Variants in ZZEF1 observed in about 807,000 individuals in gnomAD.
ZZEF1 encodes the protein zinc finger ZZ-type and EF-hand domain-containing protein 1.
A neutral mutation model predicts 342.8 loss-of-function variants in ZZEF1; 157 were observed. The ratio of observed to expected loss-of-function variants is 0.46; its 90% CI spans 0.40 to 0.52. The LOEUF (loss-of-function observed/expected upper bound fraction) is 0.52, where lower values mean the gene tolerates loss of function less well. Ranked by LOEUF, ZZEF1 falls within the 20% of genes least tolerant of loss-of-function variation. ZZEF1 has a pLI of 0.00. For synonymous variants in ZZEF1, 1,505 were observed against 1,429.1 expected (o/e 1.05, Z -1.20); for missense variants, 3,480 against 3,725.6 (o/e 0.93, Z 1.72).
intron 46 of ZZEF1, among the ~76,000 whole-genome samples, chr17:4,019,097 T>C (rs1431541088): frequency 1.3e-5 from 2 of 151,778 alleles, no homozygotes; most frequent in Admixed American, 6.6e-5. Flanking sequence ...CTTCACCTCA[T>C]AAAGGCTTTT....
In ZZEF1 at chr17:4,076,766, G is replaced by C. The variant is rs771730964; in HGVS notation, c.3112-7C>G. 5 of 1,603,940 alleles carry C rather than the reference G, an allele frequency of 3.1e-6. No individual in the cohort carries two copies. Among genetic ancestry groups the C allele is most frequent in the Non-Finnish European group, 4.3e-6 (5 of 1,174,992 alleles). Reference sequence around the variant, plus strand: ...AGTCCAGCAGGAAGATAACCTAATGGAAGATGGATGAAGCACTCAGCGTCC... The same window carrying C: ...AGTCCAGCAGGAAGATAACCTAATGCAAGATGGATGAAGCACTCAGCGTCC... On this transcript the variant is annotated splice_region_variant and splice_polypyrimidine_tract_variant and intron_variant, in intron 20 of 54. Transcript: ENST00000381638.
chr17:4,077,620 A>C (rs1210706455), intron 19 of ZZEF1, among the ~76,000 whole-genome samples: 1 of 152,234 alleles, frequency 6.6e-6, no homozygotes, highest in African/African-American at 2.4e-5. Context: ...GTGCTATATG[A>C]TTGCAAAAGC....
intron 5 of ZZEF1, among the ~76,000 whole-genome samples, chr17:4,111,467 G>A (rs2058297495): frequency 6.6e-6 from 1 of 151,970 alleles, no homozygotes; most frequent in Non-Finnish European, 1.5e-5. Flanking sequence ...AGACCAGTCT[G>A]TCCAACATAG....
chr17:4,109,709 C>T lies in ZZEF1; in HGVS notation c.1221G>A (p.Val407=). The change falls in exon 6 of 55, where the codon GTG becomes GTA. Residue 407 remains valine, a synonymous_variant. Coordinates refer to ENST00000381638, the MANE Select transcript of ZZEF1 (RefSeq NM_015113.4). ...CGGGATTTGTCTCCATAGAAGCCGT[C>T]ACCAGAGATGTCAGCAGAGACCAAT... The part of the protein sequence containing the change: ...IWYWSLLTSL[V]TASMETNPAF... The T allele has an allele frequency of 6.2e-7, 1 of 1,614,152 alleles. No homozygotes were observed. Among genetic ancestry groups the T allele is most frequent in the Non-Finnish European group, 8.5e-7 (1 of 1,180,024 alleles).
At position 4,077,966 on chromosome 17, in the gene ZZEF1, C is replaced by T. The variant is rs2057654391; in HGVS notation, c.2906G>A (p.Gly969Asp). The T allele has an allele frequency of 6.2e-7, 1 of 1,614,018 alleles. No individual in the cohort carries two copies. Among genetic ancestry groups the T allele is most frequent in the Admixed American group, 1.7e-5 (1 of 60,000 alleles). The change falls in exon 19 of 55, where the codon GGC becomes GAC. Residue 969 changes from glycine to aspartate, a missense_variant. Gly to Asp is a moderately conservative substitution (Grantham distance 94, BLOSUM62 -1). Coordinates refer to ENST00000381638, the MANE Select transcript of ZZEF1 (RefSeq NM_015113.4). The stretch of plus-strand genomic sequence containing the variant: ...CAGGTAGCACCAGGATAGCAGGCTG[C>T]CTTGGACGGACCAGAACAGGGAGAA... ...VLFSLFWSVQ[G>D]SLLSWCYLQL...
At chr17:4,027,254 G>A (rs2056428041) in intron 42 of ZZEF1, among the ~76,000 whole-genome samples, 1 of 144,748 alleles carries the variant, frequency 6.9e-6, no homozygotes, top group South Asian at 2.2e-4. Flanking sequence ...TGAGATTACA[G>A]GTATAAGACC....
intron 45 of ZZEF1, 40 bp from the exon 46 acceptor site, chr17:4,019,809 G>T: frequency 6.7e-7 from 1 of 1,489,996 alleles, no homozygotes. Flanking sequence ...ACCATTAACA[G>T]TGCTTCAATA....
At chr17:4,062,634 C>T in intron 30 of ZZEF1, 119 bp downstream of exon 30, 3 of 1,206,274 alleles carry the variant, frequency 2.5e-6, no homozygotes, top group South Asian at 3.5e-5. Context: ...ATGAATTAAC[C>T]AAAAACGTAC....
chr17:4,063,977 C>T (rs1364333709), intron 29 of ZZEF1, among the ~76,000 whole-genome samples: 1 of 152,078 alleles, frequency 6.6e-6, no homozygotes, highest in Non-Finnish European at 1.5e-5. Context: ...ATCCACCTGC[C>T]TCAGCCTCCC....
At chr17:4,058,561 G>A (rs200474445) in intron 31 of ZZEF1, among the ~76,000 whole-genome samples, 3 of 152,128 alleles carry the variant, frequency 2.0e-5, no homozygotes, top group Middle Eastern at 3.2e-3. Context: ...CTTTATACTC[G>A]TTTTCAAACT....
chr17:4,055,610 A>G (rs1003917374), intron 33 of ZZEF1, among the ~76,000 whole-genome samples: 2 of 152,212 alleles, frequency 1.3e-5, no homozygotes, highest in African/African-American at 2.4e-5. Flanking sequence ...CTCCAAGGAC[A>G]CTAGAGCCCA....
chr17:4,014,712 C>A lies in ZZEF1; in HGVS notation c.8146-197G>T, dbSNP rs905147503. Among the ~76,000 whole-genome samples the A allele has an allele frequency of 4.6e-5, 7 of 152,100 alleles. No homozygotes were observed. Among genetic ancestry groups the A allele is most frequent in the Non-Finnish European group, 5.9e-5 (4 of 68,028 alleles). On this transcript the variant is annotated intron_variant, in intron 49 of 54. Coordinates refer to ENST00000381638, the MANE Select transcript of ZZEF1 (RefSeq NM_015113.4). The surrounding 1 kb of genome is among the most constrained non-coding windows in gnomAD (Gnocchi z 4.4). ...CAAATATGGTGCGAGGGAGGCACAGCGGGGCAGGCAACACGGGGCCCCAGA... is the reference window on the plus strand; with the variant it reads ...CAAATATGGTGCGAGGGAGGCACAGAGGGGCAGGCAACACGGGGCCCCAGA...
intron 9 of ZZEF1, among the ~76,000 whole-genome samples, chr17:4,098,241 C>CAA (rs61342066): frequency 2.9e-5 from 3 of 103,338 alleles, no homozygotes; most frequent in East Asian, 2.8e-4. Flanking sequence ...GACTCCAACT[C>CAA]AAAAAAAAAA....
intron 25 of ZZEF1, 21 bp from the exon 26 acceptor site, chr17:4,070,945 C>T (rs779231278): frequency 8.7e-6 from 14 of 1,605,860 alleles, no homozygotes; most frequent in Non-Finnish European, 1.1e-5. Context: ...AAAATAAACC[C>T]ATCACATTTA....
chr17:4,072,521 TA>T, intron 25 of ZZEF1, 86 bp downstream of exon 25: 1 of 1,439,550 alleles, frequency 6.9e-7, no homozygotes, highest in Non-Finnish European at 9.2e-7. Flanking sequence ...GGTAGTAAGA[TA>T]GAAACACAAG....
chr17:4,110,828 C>G (rs1010458493), intron 5 of ZZEF1, among the ~76,000 whole-genome samples: 1 of 151,388 alleles, frequency 6.6e-6, no homozygotes, highest in African/African-American at 2.4e-5. Flanking sequence ...GATTCTCCTG[C>G]CTCAGCCTCC....
chr17:4,027,888 C>T (rs1388457598), intron 42 of ZZEF1, among the ~76,000 whole-genome samples: 1 of 152,010 alleles, frequency 6.6e-6, no homozygotes, highest in Non-Finnish European at 1.5e-5. Context: ...CTATGTTGCC[C>T]AGGTTGATCT....
Position 4,017,139 on chromosome 17 carries a change from A to G in ZZEF1, c.8001+232T>C. On this transcript the variant is annotated intron_variant, in intron 48 of 54. Transcript: ENST00000381638. This position sits in a 1 kb window ranked among gnomAD's most constrained non-coding sequence, Gnocchi z 5.1. ...ATTTCTGCACTTGGAAACTGGGAAG[A>G]TGGCGACAAAGCTTTCTGGTTCAGC... The G allele has an allele frequency of 1.8e-6, 1 of 545,260 alleles. No homozygotes were observed. 33.8% of individuals were successfully genotyped at this position (545,260 alleles called of 1,614,324 possible). A position where few individuals can be genotyped will look rare whatever the true frequency, so the allele number is the denominator to read the frequency against.
chr17:4,125,281 C>T (rs1446114711), intron 1 of ZZEF1, among the ~76,000 whole-genome samples: 21 of 152,164 alleles, frequency 1.4e-4, no homozygotes, highest in Admixed American at 1.4e-3. Flanking sequence ...CTTTAAGCCT[C>T]CTTTCCAAGT....
Sources: gnomAD v4.1 joint callset for allele counts (sites outside exome capture counted in the v4.1 genomes callset) on GRCh38, gnomAD v4.1.1 for gene constraint, Gnocchi (gnomAD v3.1) non-coding constraint, MANE v1.5 for transcripts, NCBI Gene and HGNC (gene_info 2026-07-23, HGNC 2026-07-21) for gene names.